CCDC63: variants seen among roughly 807,000 people sequenced by gnomAD.
CCDC63 encodes the protein coiled-coil domain containing 63, also known as coiled-coil domain-containing protein 63.
CCDC63 carries 54 observed loss-of-function variants against 63.6 expected under a neutral mutation model. The ratio of observed to expected loss-of-function variants is 0.85; its 90% confidence interval spans 0.68 to 1.07. The LOEUF (loss-of-function observed/expected upper bound fraction) is 1.07. CCDC63 is among the 50% of genes least tolerant of loss of function. The probability of loss-of-function intolerance (pLI) is 0.00; values close to 1 mark genes in which losing one functional copy is unlikely to be tolerated. For synonymous variants in CCDC63, 253 were observed against 266.1 expected (o/e 0.95, Z 0.48); for missense variants, 637 against 689.6 (o/e 0.92, Z 0.86).
chr12:110,871,013 T>C (rs937602560), intron 4 of CCDC63, among the ~76,000 whole-genome samples: 1 of 152,220 alleles, frequency 6.6e-6, no homozygotes, highest in Non-Finnish European at 1.5e-5. Flanking sequence ...CCTCGACTTC[T>C]CTAAGCCCAG....
At chr12:110,870,322 T>C (rs1226163567) in intron 4 of CCDC63, among the ~76,000 whole-genome samples, 1 of 152,226 alleles carries the variant, frequency 6.6e-6, no homozygotes, top group East Asian at 1.9e-4. Context: ...CCTCTGGTGA[T>C]CCACCAGCCT....
At chr12:110,877,858 C>T (rs555568641) in intron 5 of CCDC63, among the ~76,000 whole-genome samples, 24 of 151,844 alleles carry the variant, frequency 1.6e-4, no homozygotes, top group African/African-American at 4.8e-4. Flanking sequence ...AGGTGCCCAC[C>T]AACATGCCTG....
chr12:110,893,397 C>G (rs536461264), intron 9 of CCDC63, among the ~76,000 whole-genome samples: 18 of 152,316 alleles, frequency 1.2e-4, no homozygotes, highest in African/African-American at 4.3e-4. Flanking sequence ...AAGCCCCCAC[C>G]CCCCTTTTCA....
chr12:110,867,725 G>A (rs1426188611), intron 4 of CCDC63, among the ~76,000 whole-genome samples: 2 of 119,824 alleles, frequency 1.7e-5, no homozygotes, highest in East Asian at 4.7e-4. Flanking sequence ...CCTCCCTCCC[G>A]GACAGGGCGG....
intron 9 of CCDC63, 23 bp from the exon 10 acceptor site, chr12:110,898,910 T>A: frequency 6.5e-7 from 1 of 1,537,918 alleles, no homozygotes. Flanking sequence ...CCTGAGCAGG[T>A]GGGAATTGGG....
chr12:110,854,250 CTTTTCT>C (rs1394855694), intron 3 of CCDC63, among the ~76,000 whole-genome samples: 7 of 72,276 alleles, frequency 9.7e-5, no homozygotes, highest in African/African-American at 2.4e-4. Context: ...ACAATCATTT[CTTTTCT>C]TTTTTTTTTT....
intron 4 of CCDC63, among the ~76,000 whole-genome samples, chr12:110,868,170 T>G (rs368747838): frequency 8.8e-5 from 12 of 136,262 alleles, no homozygotes; most frequent in Non-Finnish European, 9.5e-5. Flanking sequence ...TTCCTAGATG[T>G]GATGGCGGCT....
At chr12:110,874,404 T>C (rs1427338498) in intron 5 of CCDC63, among the ~76,000 whole-genome samples, 1 of 152,214 alleles carries the variant, frequency 6.6e-6, no homozygotes, top group African/African-American at 2.4e-5. Context: ...AAGGTGACAC[T>C]GATCATCCTC....
chr12:110,897,453 C>T (rs1461342240), intron 9 of CCDC63, among the ~76,000 whole-genome samples: 1 of 151,052 alleles, frequency 6.6e-6, no homozygotes, highest in African/African-American at 2.4e-5. Context: ...AAAAACTTAG[C>T]TGGGTGTGGT....
intron 10 of CCDC63, among the ~76,000 whole-genome samples, chr12:110,900,169 T>A (rs914310172): frequency 6.6e-6 from 1 of 152,080 alleles, no homozygotes; most frequent in Non-Finnish European, 1.5e-5. Context: ...GTCAAAATTG[T>A]GCCACTGCAC....
chr12:110,867,828 G>T (rs539788385), intron 4 of CCDC63, among the ~76,000 whole-genome samples: 1 of 150,818 alleles, frequency 6.6e-6, no homozygotes, highest in African/African-American at 2.5e-5. Flanking sequence ...AGGGGCGGCC[G>T]GGCAGAGGCG....
chr12:110,847,400 A>C (rs2070650951), intron 1 of CCDC63, among the ~76,000 whole-genome samples: 1 of 151,936 alleles, frequency 6.6e-6, no homozygotes, highest in African/African-American at 2.4e-5. Flanking sequence ...CAAAATATTT[A>C]AAAACTTAGC....
chr12:110,852,325 G>A (rs1380167301), intron 1 of CCDC63, among the ~76,000 whole-genome samples: 2 of 151,954 alleles, frequency 1.3e-5, no homozygotes, highest in South Asian at 2.1e-4. Context: ...GCGCGATCTC[G>A]GCTCACTCAC....
rs1286470037 is a variant in CCDC63, at chr12:110,904,579, G to T, written c.1343-9G>T. The T allele has an allele frequency of 1.9e-6, 3 of 1,613,676 alleles. No individual in the cohort carries two copies. The highest frequency in any genetic ancestry group is 2.7e-5 in the African/African-American group (2 of 74,860). On this transcript the variant is annotated splice_polypyrimidine_tract_variant and intron_variant, in intron 10 of 11. Coordinates refer to ENST00000308208, the MANE Select transcript of CCDC63 (RefSeq NM_152591.3). The stretch of plus-strand genomic sequence containing the variant: ...GGCAGCCATCTTGGTCCTGCTTCTT[G>T]TTCTCCAGCCATCATTGAAAAGAAG...
intron 4 of CCDC63, among the ~76,000 whole-genome samples, chr12:110,861,748 T>C (rs2070856607): frequency 6.7e-6 from 1 of 150,348 alleles, no homozygotes; most frequent in South Asian, 2.1e-4. Flanking sequence ...TTTTTTGTAC[T>C]TTTAGTAGAG....
intron 1 of CCDC63, among the ~76,000 whole-genome samples, chr12:110,849,511 T>G (rs1465462945): frequency 6.6e-6 from 1 of 150,682 alleles, no homozygotes; most frequent in East Asian, 1.9e-4. Flanking sequence ...TTTTTTTTTT[T>G]TTTTTGAGAT....
intron 8 of CCDC63, among the ~76,000 whole-genome samples, chr12:110,887,829 C>A (rs912105932): frequency 1.3e-5 from 2 of 152,016 alleles, no homozygotes; most frequent in African/African-American, 4.8e-5. Flanking sequence ...ATCTCTTGAC[C>A]TCGTGATCCG....
rs2071279778 is a variant in CCDC63, at chr12:110,886,396, A to G, written c.1074+2146A>G. Among the ~76,000 whole-genome samples, 3 of 149,616 alleles carry G rather than the reference A, an allele frequency of 2.0e-5. No individual in the cohort carries two copies. The South Asian group carries it at 6.3e-4, about 31-fold the overall frequency. ...GGGAGACTTCGTCTCAAAAAAAACCAAAAAAAAACCCACCCCAAAAAACCA... is the reference window on the plus strand; with the variant it reads ...GGGAGACTTCGTCTCAAAAAAAACCGAAAAAAAACCCACCCCAAAAAACCA... On this transcript the variant is annotated intron_variant, in intron 8 of 11. Coordinates refer to ENST00000308208, the MANE Select transcript of CCDC63 (RefSeq NM_152591.3).
intron 4 of CCDC63, among the ~76,000 whole-genome samples, chr12:110,867,245 C>T (rs1470328669): frequency 4.3e-5 from 5 of 117,334 alleles, no homozygotes; most frequent in African/African-American, 1.0e-4. Context: ...ACCTCCCTCC[C>T]GGACGGGGCG....
Sources: allele counts gnomAD v4.1 joint callset (sites outside exome capture counted in the v4.1 genomes callset), GRCh38; gene constraint gnomAD v4.1.1; transcripts MANE v1.5; gene names NCBI Gene and HGNC (gene_info 2026-07-23, HGNC 2026-07-21).